DCTN5: variants seen among roughly 807,000 people sequenced by gnomAD.
DCTN5 encodes the protein dynactin 4.
A neutral mutation model predicts 23.5 loss-of-function variants in DCTN5; 14 were observed. That is an observed-to-expected ratio of 0.60 (90% confidence interval 0.39 to 0.93). The LOEUF (loss-of-function observed/expected upper bound fraction) is 0.93, where lower values mean the gene tolerates loss of function less well. Ranked by LOEUF, DCTN5 falls within the 40% of genes least tolerant of loss-of-function variation. The pLI, the probability that DCTN5 is intolerant of heterozygous loss-of-function variation, is 0.00. For missense variants in DCTN5, 156 were observed against 225.9 expected, an observed-to-expected ratio of 0.69 and a Z score of 1.98; for synonymous variants, 67 against 79.6, an observed-to-expected ratio of 0.84 and a Z score of 0.84.
intron 2 of DCTN5, among the ~76,000 whole-genome samples, chr16:23,655,953 G>A (rs1004602201): frequency 2.0e-5 from 3 of 152,198 alleles, no homozygotes; most frequent in African/African-American, 7.2e-5. Context: ...GGTGGGGCAT[G>A]GTGGCTCACA....
At position 23,673,327 on chromosome 16, in the gene DCTN5, C is replaced by T. The variant is rs1472551764; in HGVS notation, c.*6183C>T. ...ACAGGGTTTTACCATGTTGCCCAGA[C>T]TAGTCTTGAACTCCTGGGCTCAAGC... On this transcript the variant is annotated 3_prime_UTR_variant, in exon 6 of 6. Transcript: ENST00000300087. 6.6e-6 allele frequency: 1 copy of T among 152,126 alleles called. No individual in the cohort carries two copies. Among genetic ancestry groups the T allele is most frequent in the African/African-American group, 2.4e-5 (1 of 41,424 alleles). 9.4% of individuals were successfully genotyped at this position (152,126 alleles called of 1,614,324 possible).
intron 2 of DCTN5, among the ~76,000 whole-genome samples, chr16:23,646,279 G>A (rs1967456496): frequency 6.6e-6 from 1 of 151,984 alleles, no homozygotes; most frequent in Non-Finnish European, 1.5e-5. Context: ...TTTATATTGT[G>A]TTGTCTTTTT....
In DCTN5 at chr16:23,667,277, A is replaced by G; in HGVS notation, c.*133A>G. 1.8e-6 allele frequency: 2 copies of G among 1,137,790 alleles called. No homozygotes were observed. The highest frequency in any genetic ancestry group is 2.5e-6 in the Non-Finnish European group (2 of 813,310). The allele number at this position is 1,137,790 out of a possible 1,614,324, so 70.5% of individuals were successfully genotyped here. On this transcript the variant is annotated 3_prime_UTR_variant, in exon 6 of 6. Coordinates refer to ENST00000300087, the MANE Select transcript of DCTN5 (RefSeq NM_032486.4). ...CCTCCTCCTTTTAAAAAATTTCTTT[A>G]GAATTTCTCAATCTTCAAGGCTCTA...
intron 2 of DCTN5, among the ~76,000 whole-genome samples, chr16:23,646,803 C>T (rs917888394): frequency 3.3e-5 from 5 of 151,888 alleles, no homozygotes; most frequent in South Asian, 2.1e-4. Context: ...CTCAAACTCC[C>T]GACCTCAGGT....
chr16:23,650,445 C>A (rs1967575768), intron 2 of DCTN5, among the ~76,000 whole-genome samples: 1 of 151,842 alleles, frequency 6.6e-6, no homozygotes, highest in Non-Finnish European at 1.5e-5. Flanking sequence ...CCTCCCTCCC[C>A]ACACACCACC....
At chr16:23,653,538 T>C (rs1294985603) in intron 2 of DCTN5, among the ~76,000 whole-genome samples, 1 of 152,140 alleles carries the variant, frequency 6.6e-6, no homozygotes, top group African/African-American at 2.4e-5. Flanking sequence ...TTATACCATA[T>C]AGAAAAATCA....
rs113065537 is a variant in DCTN5, at chr16:23,641,722, T to C, written c.48+132T>C. On this transcript the variant is annotated intron_variant, in intron 1 of 5. Coordinates refer to ENST00000300087, the MANE Select transcript of DCTN5 (RefSeq NM_032486.4). ...CCATTAGTCCCGGATTATCTAGCGA[T>C]GCCCCGTGTACCGTCTGGCTTTGCT... The C allele has an allele frequency of 2.7e-5, 25 of 922,530 alleles. No individual in the cohort carries two copies. The African/African-American group carries it at 2.8e-4, about 10-fold the overall frequency. The allele number at this position is 922,530 out of a possible 1,614,324, so 57.1% of individuals were successfully genotyped here.
intron 4 of DCTN5, among the ~76,000 whole-genome samples, chr16:23,665,140 G>T (rs1967882419): frequency 6.6e-6 from 1 of 152,182 alleles, no homozygotes; most frequent in African/African-American, 2.4e-5. Context: ...AAGCCCTGAG[G>T]TTGGGGTCCA....
chr16:23,655,562 G>A (rs1283552664), intron 2 of DCTN5, among the ~76,000 whole-genome samples: 1 of 138,916 alleles, frequency 7.2e-6, no homozygotes, highest in East Asian at 2.1e-4. Context: ...TTTTTTTCTT[G>A]AGGCACAGTC....
chr16:23,676,480 C>G lies in DCTN5; in HGVS notation c.*9336C>G, dbSNP rs1256106639. The G allele has an allele frequency of 6.6e-6, 1 of 152,278 alleles. No individual in the cohort carries two copies. The highest frequency in any genetic ancestry group is 1.5e-5 in the Non-Finnish European group (1 of 68,150). The allele number at this position is 152,278 out of a possible 1,614,324, so 9.4% of individuals were successfully genotyped here. ...GCTGAGGCAGGAGAATCGCTTGAAC[C>G]CAGGAGGTGGAGGCTGCAGTGAGCC... On this transcript the variant is annotated 3_prime_UTR_variant, in exon 6 of 6. Coordinates refer to ENST00000300087, the MANE Select transcript of DCTN5 (RefSeq NM_032486.4).
intron 4 of DCTN5, among the ~76,000 whole-genome samples, chr16:23,663,742 A>C (rs1046334480): frequency 3.3e-5 from 5 of 152,124 alleles, no homozygotes; most frequent in African/African-American, 1.2e-4. Context: ...AAGAAGTTTC[A>C]GCTTTTACCT....
chr16:23,668,612 C>G lies in DCTN5; in HGVS notation c.*1468C>G, dbSNP rs1158156296. ...AGTTTCTACTTGGGCAGCCAAAACT[C>G]TGAGGAAGGAGATTCTGCTAGTAAA... On this transcript the variant is annotated 3_prime_UTR_variant, in exon 6 of 6. Transcript: ENST00000300087. The G allele has an allele frequency of 6.6e-6, 1 of 152,202 alleles. No homozygotes were observed. Among genetic ancestry groups the G allele is most frequent in the Non-Finnish European group, 1.5e-5 (1 of 68,054 alleles). 9.4% of individuals were successfully genotyped at this position (152,202 alleles called of 1,614,324 possible).
intron 5 of DCTN5, 138 bp downstream of exon 5, chr16:23,665,866 A>T: frequency 1.5e-6 from 1 of 680,296 alleles, no homozygotes; most frequent in Non-Finnish European, 2.5e-6. Flanking sequence ...TGTACAAAGT[A>T]CCTAGAAATG....
intron 1 of DCTN5, among the ~76,000 whole-genome samples, chr16:23,642,415 CGTCT>C (rs2140965688): frequency 1.3e-5 from 2 of 152,288 alleles, no homozygotes; most frequent in East Asian, 1.9e-4. Flanking sequence ...TTTGAATCCG[CGTCT>C]GTCTGATGCC....
intron 2 of DCTN5, among the ~76,000 whole-genome samples, chr16:23,652,366 T>C (rs887418695): frequency 6.6e-6 from 1 of 151,516 alleles, no homozygotes; most frequent in Non-Finnish European, 1.5e-5. Context: ...TAATTGGTAA[T>C]CCTCATAATT....
chr16:23,661,119 C>T, intron 3 of DCTN5, 51 bp from the exon 4 acceptor site: 1 of 1,326,456 alleles, frequency 7.5e-7, no homozygotes, highest in African/African-American at 1.4e-5. Context: ...AACCTTGACC[C>T]AAAGTACATC....
chr16:23,666,900 C>T (rs1156536226), intron 5 of DCTN5, 147 bp from the exon 6 acceptor site: 3 of 1,308,512 alleles, frequency 2.3e-6, no homozygotes, highest in African/African-American at 1.5e-5. Flanking sequence ...CTGTTCTTAG[C>T]AAGCACTGGA....
chr16:23,643,068 TCTG>T, intron 2 of DCTN5, 45 bp downstream of exon 2: 1 of 1,523,936 alleles, frequency 6.6e-7, no homozygotes, highest in Middle Eastern at 1.7e-4. Context: ...TAGCTTGCGT[TCTG>T]CTAATTGTCA....
At chr16:23,642,414 G>T (rs1597108424) in intron 1 of DCTN5, among the ~76,000 whole-genome samples, 1 of 152,138 alleles carries the variant, frequency 6.6e-6, no homozygotes, top group African/African-American at 2.4e-5. Flanking sequence ...ATTTGAATCC[G>T]CGTCTGTCTG....
Sources: gnomAD v4.1 joint callset for allele counts (sites outside exome capture counted in the v4.1 genomes callset) on GRCh38, gnomAD v4.1.1 for gene constraint, MANE v1.5 for transcripts, NCBI Gene and HGNC (gene_info 2026-07-23, HGNC 2026-07-21) for gene names.